Variants in SRRM4 observed in about 807,000 individuals in gnomAD.
SRRM4 encodes the protein serine/arginine repetitive matrix protein 4.
Under a neutral mutation model 68.9 loss-of-function variants are expected in SRRM4, and 33 were observed. The ratio of observed to expected loss-of-function variants is 0.48; its 90% CI spans 0.36 to 0.64. SRRM4 has a LOEUF of 0.64. Among genes scored for constraint, SRRM4 ranks in the 30% least tolerant of loss-of-function variants. The probability of loss-of-function intolerance (pLI) is 0.00; values close to 1 mark genes in which losing one functional copy is unlikely to be tolerated. For missense variants in SRRM4, 817 were observed against 827.1 expected (o/e 0.99, Z 0.15); for synonymous variants, 318 against 318.8 (o/e 1.00, Z 0.03).
chr12:119,087,998 G>T (rs1953990153), intron 1 of SRRM4, among the ~76,000 whole-genome samples: 1 of 152,168 alleles, frequency 6.6e-6, no homozygotes, highest in Non-Finnish European at 1.5e-5. Flanking sequence ...ATTGTCTGAT[G>T]AGGTGCTTAG....
intron 7 of SRRM4, among the ~76,000 whole-genome samples, chr12:119,128,985 A>C (rs1386787590): frequency 1.3e-5 from 2 of 152,186 alleles, no homozygotes; most frequent in African/African-American, 4.8e-5. Flanking sequence ...CGCAGGTTAC[A>C]CATTCAGTAG....
At chr12:119,130,913 G>A (rs2136058034) in intron 8 of SRRM4, 79 bp downstream of exon 8, 2 of 1,417,504 alleles carry the variant, frequency 1.4e-6, no homozygotes, top group Middle Eastern at 1.8e-4. Context: ...TCAGGGCAGT[G>A]TATGGTACAC....
At chr12:118,992,636 G>A (rs534678246) in intron 1 of SRRM4, among the ~76,000 whole-genome samples, 15 of 152,322 alleles carry the variant, frequency 9.8e-5, no homozygotes, top group Admixed American at 7.8e-4. Context: ...CTGCAGGAAC[G>A]AGAGGCCATC....
intron 1 of SRRM4, among the ~76,000 whole-genome samples, chr12:119,053,653 T>C (rs141944817): frequency 5.3e-5 from 8 of 152,366 alleles, no homozygotes; most frequent in East Asian, 1.9e-4. Context: ...TGTGCGTATT[T>C]TGTGACTAAC....
chr12:118,981,654 T>A lies in SRRM4; in HGVS notation c.-229T>A, dbSNP rs889702969. 7.5e-6 allele frequency: 4 copies of A among 536,890 alleles called. No individual in the cohort carries two copies. The highest frequency in any genetic ancestry group is 1.9e-5 in the African/African-American group (1 of 52,244). The allele number at this position is 536,890 out of a possible 1,614,324, so 33.3% of individuals were successfully genotyped here. On this transcript the variant is annotated 5_prime_UTR_variant, in exon 1 of 13. Coordinates refer to ENST00000267260, the MANE Select transcript of SRRM4 (RefSeq NM_194286.4). ...GGCTCAGCCAGCTCAGAGCGCAGCC[T>A]GGAGCCGACCCAGAAGGGCGAAGAA...
intron 1 of SRRM4, among the ~76,000 whole-genome samples, chr12:119,085,893 G>C (rs1438873931): frequency 6.6e-6 from 1 of 152,086 alleles, no homozygotes; most frequent in Non-Finnish European, 1.5e-5. Context: ...CTGCTGCTTG[G>C]ATGAGTAGGA....
intron 2 of SRRM4, among the ~76,000 whole-genome samples, chr12:119,106,042 C>G (rs1171653093): frequency 1.3e-5 from 2 of 152,180 alleles, no homozygotes; most frequent in Non-Finnish European, 2.9e-5. Flanking sequence ...AGCCAGTTTT[C>G]CCAGCACCAC....
intron 1 of SRRM4, among the ~76,000 whole-genome samples, chr12:119,069,208 G>T (rs1005015405): frequency 1.3e-5 from 2 of 152,206 alleles, no homozygotes; most frequent in Non-Finnish European, 2.9e-5. Flanking sequence ...GAGTGGTTTA[G>T]CATGTTACCG....
chr12:119,147,822 C>G (rs904053326), intron 9 of SRRM4, among the ~76,000 whole-genome samples: 2 of 152,196 alleles, frequency 1.3e-5, no homozygotes, highest in Non-Finnish European at 2.9e-5. Context: ...CCGCTTAACT[C>G]TCTCACTCAA....
At chr12:119,128,841 G>A (rs1223778179) in intron 7 of SRRM4, among the ~76,000 whole-genome samples, 1 of 152,218 alleles carries the variant, frequency 6.6e-6, no homozygotes, top group African/African-American at 2.4e-5. Context: ...TAAATAAATG[G>A]TTAACATCAC....
chr12:119,094,344 T>C (rs1937421075), intron 1 of SRRM4, among the ~76,000 whole-genome samples: 1 of 152,112 alleles, frequency 6.6e-6, no homozygotes. Flanking sequence ...TGGGAATTGG[T>C]TAGAAATGCA....
At chr12:119,013,287 G>C (rs1953461267) in intron 1 of SRRM4, among the ~76,000 whole-genome samples, 1 of 152,076 alleles carries the variant, frequency 6.6e-6, no homozygotes, top group South Asian at 2.1e-4. Context: ...GCCCAGAGAG[G>C]CTAAGCAATT....
chr12:119,110,013 G>T (rs1299749648), intron 2 of SRRM4, among the ~76,000 whole-genome samples: 2 of 152,170 alleles, frequency 1.3e-5, no homozygotes, highest in Non-Finnish European at 2.9e-5. Context: ...TGGTGTGGAT[G>T]TCCTTTCTGT....
chr12:119,035,613 A>G (rs1018828940), intron 1 of SRRM4, among the ~76,000 whole-genome samples: 1 of 151,794 alleles, frequency 6.6e-6, no homozygotes, highest in Admixed American at 6.6e-5. Flanking sequence ...ATCCTTTATC[A>G]TTTTCAATCT....
At chr12:119,153,053 C>A (rs1044706740) in intron 10 of SRRM4, among the ~76,000 whole-genome samples, 1 of 152,124 alleles carries the variant, frequency 6.6e-6, no homozygotes, top group African/African-American at 2.4e-5. Context: ...AGTACCTAAC[C>A]CTAAGATGTG....
chr12:118,995,072 T>C (rs546208150), intron 1 of SRRM4, among the ~76,000 whole-genome samples: 1 of 152,320 alleles, frequency 6.6e-6, no homozygotes, highest in South Asian at 2.1e-4. Flanking sequence ...AAATGTCAAT[T>C]TTAAAACTTC....
chr12:119,145,288 C>T, intron 8 of SRRM4, 93 bp from the exon 9 acceptor site: 3 of 1,062,734 alleles, frequency 2.8e-6, no homozygotes, highest in Non-Finnish European at 4.0e-6. Flanking sequence ...CCTTTCGTTA[C>T]AGTGCATCAT....
At chr12:119,054,887 A>C (rs1462178341) in intron 1 of SRRM4, among the ~76,000 whole-genome samples, 1 of 152,200 alleles carries the variant, frequency 6.6e-6, no homozygotes. Context: ...TGGTTTCAAC[A>C]CAAGTTCCAG....
intron 1 of SRRM4, among the ~76,000 whole-genome samples, chr12:119,045,478 T>TCCCCCC (rs1953700657): frequency 3.5e-5 from 1 of 28,824 alleles, no homozygotes; most frequent in African/African-American, 1.3e-4. Flanking sequence ...CTTCCCCCAC[T>TCCCCCC]CCCCCGCTCC....
Sources: gnomAD v4.1 joint callset for allele counts (sites outside exome capture counted in the v4.1 genomes callset) on GRCh38, gnomAD v4.1.1 for gene constraint, MANE v1.5 for transcripts, NCBI Gene and HGNC (gene_info 2026-07-23, HGNC 2026-07-21) for gene names.